Variants in RNF180 observed in about 807,000 individuals in gnomAD.
RNF180 encodes ring finger protein 180.
A neutral mutation model predicts 59.2 loss-of-function variants in RNF180; 38 were observed. That is an observed-to-expected ratio of 0.64 (90% confidence interval 0.50 to 0.84). The LOEUF is 0.84. Ranked by LOEUF, RNF180 falls within the 40% of genes least tolerant of loss-of-function variation. The pLI is 0.00. For synonymous variants in RNF180, 262 were observed against 240.3 expected (o/e 1.09, Z -0.84); for missense variants, 705 against 700.9 (o/e 1.01, Z -0.07).
At chr5:64,288,000 G>T (rs1742376540) in intron 5 of RNF180, among the ~76,000 whole-genome samples, 1 of 152,058 alleles carries the variant, frequency 6.6e-6, no homozygotes, top group Admixed American at 6.6e-5. Flanking sequence ...GAATGGTATT[G>T]CCTAGATTTT....
At chr5:64,299,714 T>C (rs1300459908) in intron 5 of RNF180, among the ~76,000 whole-genome samples, 2 of 151,932 alleles carry the variant, frequency 1.3e-5, no homozygotes, top group Non-Finnish European at 2.9e-5. Flanking sequence ...TCAAAGTGAA[T>C]TTTTATGAAC....
At chr5:64,283,628 C>A (rs1742125381) in intron 5 of RNF180, among the ~76,000 whole-genome samples, 1 of 152,078 alleles carries the variant, frequency 6.6e-6, no homozygotes, top group African/African-American at 2.4e-5. Context: ...CTCATGAGAT[C>A]TGATGGTTTT....
chr5:64,317,623 TACACACACACAC>T (rs3069586), intron 5 of RNF180, among the ~76,000 whole-genome samples: 10 of 144,924 alleles, frequency 6.9e-5, no homozygotes, highest in African/African-American at 1.8e-4. Context: ...CACACATATA[TACACACACACAC>T]ACACACACAC....
At chr5:64,347,497 G>T (rs1044559435) in intron 7 of RNF180, among the ~76,000 whole-genome samples, 1 of 152,100 alleles carries the variant, frequency 6.6e-6, no homozygotes, top group Non-Finnish European at 1.5e-5. Context: ...GCTTAAAAGT[G>T]TCAGACCTTT....
chr5:64,195,620 A>G (rs1396509554), intron 1 of RNF180, among the ~76,000 whole-genome samples: 1 of 152,248 alleles, frequency 6.6e-6, no homozygotes, highest in Non-Finnish European at 1.5e-5. Flanking sequence ...TTAATTGCCT[A>G]TGGCATATTT....
intron 5 of RNF180, among the ~76,000 whole-genome samples, chr5:64,317,623 T>TACAC (rs3069586): frequency 0.02 from 2,962 of 144,932 alleles, 89 homozygotes; most frequent in African/African-American, 0.067. Flanking sequence ...CACACATATA[T>TACAC]ACACACACAC....
At chr5:64,247,190 C>G (rs556205723) in intron 5 of RNF180, among the ~76,000 whole-genome samples, 7 of 152,138 alleles carry the variant, frequency 4.6e-5, no homozygotes, top group Admixed American at 3.9e-4. Context: ...GCATTCCCTT[C>G]GAAAACCAGC....
chr5:64,174,181 C>T (rs971269875), intron 1 of RNF180, among the ~76,000 whole-genome samples: 1 of 152,140 alleles, frequency 6.6e-6, no homozygotes, highest in African/African-American at 2.4e-5. Flanking sequence ...TGTATATATA[C>T]CACATTTTCT....
intron 5 of RNF180, among the ~76,000 whole-genome samples, chr5:64,232,364 T>C (rs963695576): frequency 1.3e-5 from 2 of 152,190 alleles, no homozygotes; most frequent in East Asian, 1.9e-4. Flanking sequence ...GTAAGTGTTA[T>C]AAGTCTGGGA....
intron 1 of RNF180, among the ~76,000 whole-genome samples, chr5:64,178,197 C>T (rs1229484417): frequency 3.0e-5 from 3 of 99,362 alleles, no homozygotes; most frequent in Admixed American, 1.1e-4. Flanking sequence ...AGCTAGACTC[C>T]ATCTCAAAAA....
At chr5:64,324,070 A>G (rs2112518921) in intron 5 of RNF180, among the ~76,000 whole-genome samples, 1 of 152,360 alleles carries the variant, frequency 6.6e-6, no homozygotes, top group Non-Finnish European at 1.5e-5. Context: ...CCATAGGCTA[A>G]TTGATATAAA....
chr5:64,198,175 A>C (rs887899178), intron 1 of RNF180, among the ~76,000 whole-genome samples: 33 of 152,240 alleles, frequency 2.2e-4, no homozygotes, highest in African/African-American at 7.0e-4. Context: ...CATGTACTTA[A>C]AAATATTGAG....
intron 1 of RNF180, among the ~76,000 whole-genome samples, chr5:64,171,893 T>A (rs1350694417): frequency 6.6e-6 from 1 of 152,078 alleles, no homozygotes; most frequent in Non-Finnish European, 1.5e-5. Flanking sequence ...CAAAGTTAAG[T>A]AGCAGGGAGC....
intron 1 of RNF180, among the ~76,000 whole-genome samples, chr5:64,190,681 A>G (rs1169182374): frequency 6.6e-6 from 1 of 152,164 alleles, no homozygotes; most frequent in Non-Finnish European, 1.5e-5. Flanking sequence ...AATGAGGTCA[A>G]AAGGGTGGGG....
chr5:64,206,196 G>T (rs1363412377), intron 2 of RNF180, among the ~76,000 whole-genome samples: 2 of 152,170 alleles, frequency 1.3e-5, no homozygotes, highest in Admixed American at 1.3e-4. Context: ...GAAATCGTTG[G>T]TCAACATTCA....
At chr5:64,350,135 G>A (rs1381498922) in intron 7 of RNF180, among the ~76,000 whole-genome samples, 1 of 152,156 alleles carries the variant, frequency 6.6e-6, no homozygotes, top group Non-Finnish European at 1.5e-5. Flanking sequence ...GTATCTCACT[G>A]TGGTTTTGAT....
At chr5:64,222,866 C>T (rs1371028340) in intron 5 of RNF180, among the ~76,000 whole-genome samples, 11 of 152,144 alleles carry the variant, frequency 7.2e-5, no homozygotes, top group Non-Finnish European at 1.5e-4. Flanking sequence ...AGATAAAATG[C>T]CATTCTTTAT....
rs1467087639 is a variant in RNF180 at position 64,302,197 on chromosome 5, A to G, written c.1228-22989A>G. On this transcript the variant is annotated intron_variant, in intron 5 of 7. Coordinates refer to ENST00000389100, the MANE Select transcript of RNF180 (RefSeq NM_001113561.2). ...CCCAATATACACTGCTGGAGCAGGA[A>G]CAGGATAATCACAATAACTCCAATT... Among the ~76,000 whole-genome samples the G allele has an allele frequency of 2.0e-5, 3 of 151,618 alleles. No individual in the cohort carries two copies. In the East Asian group the frequency reaches 5.8e-4, roughly 29 times the overall value.
At chr5:64,272,256 G>C (rs1377304470) in intron 5 of RNF180, among the ~76,000 whole-genome samples, 1 of 152,030 alleles carries the variant, frequency 6.6e-6, no homozygotes, top group African/African-American at 2.4e-5. Context: ...AGTCAGGGAA[G>C]GCTTTCCAAA....
Sources: allele counts gnomAD v4.1 joint callset (sites outside exome capture counted in the v4.1 genomes callset), GRCh38; gene constraint gnomAD v4.1.1; transcripts MANE v1.5; gene names NCBI Gene and HGNC (gene_info 2026-07-23, HGNC 2026-07-21).